TNN: variants seen among roughly 807,000 people sequenced by gnomAD.
The protein encoded by TNN is tenascin N.
In TNN, 122 loss-of-function variants were observed where a neutral mutation model predicts 134.4. The ratio of observed to expected loss-of-function variants is 0.91; its 90% CI spans 0.78 to 1.06. The LOEUF (loss-of-function observed/expected upper bound fraction) is 1.06. Ranked by LOEUF, TNN falls within the 50% of genes least tolerant of loss-of-function variation. TNN has a pLI of 0.00. For synonymous variants in TNN, 710 were observed against 670.3 expected, an observed-to-expected ratio of 1.06 and a Z score of -0.91; for missense variants, 1,739 against 1,699.4, an observed-to-expected ratio of 1.02 and a Z score of -0.41.
intron 7 of TNN, among the ~76,000 whole-genome samples, chr1:175,094,493 A>T (rs1425565727): frequency 1.3e-5 from 2 of 152,214 alleles, no homozygotes; most frequent in Non-Finnish European, 1.5e-5. Flanking sequence ...GGAATTCCGT[A>T]TGCAACCCCC....
intron 11 of TNN, among the ~76,000 whole-genome samples, chr1:175,122,338 T>G (rs1199985376): frequency 6.6e-6 from 1 of 152,134 alleles, no homozygotes; most frequent in Admixed American, 6.5e-5. Flanking sequence ...CAGTGACCTA[T>G]GATGGCACCA....
chr1:175,133,315 C>A (rs184660815), intron 15 of TNN, among the ~76,000 whole-genome samples: 4 of 152,324 alleles, frequency 2.6e-5, no homozygotes, highest in African/African-American at 9.6e-5. Context: ...TGGTGAATGG[C>A]ACCCAACTCT....
intron 18 of TNN, 140 bp from the exon 19 acceptor site, chr1:175,146,791 C>T (rs971181518): frequency 2.5e-6 from 2 of 793,248 alleles, no homozygotes; most frequent in South Asian, 3.9e-5. Flanking sequence ...CTCATCACCC[C>T]GTCTCTTTCT....
At chr1:175,112,598 C>CTTTTTTTTTTTTT in intron 9 of TNN, among the ~76,000 whole-genome samples, 320 of 21,988 alleles carry the variant, frequency 0.015, 136 homozygotes, top group Admixed American at 0.019. Context: ...GCCGGCCGAT[C>CTTTTTTTTTTTTT]TTTTTTTTTT....
chr1:175,131,662 T>C (rs1162056105), intron 15 of TNN, among the ~76,000 whole-genome samples: 1 of 152,190 alleles, frequency 6.6e-6, no homozygotes, highest in Admixed American at 6.5e-5. Flanking sequence ...TAATAACTTA[T>C]TATATCTATA....
chr1:175,077,473 C>T lies in TNN; in HGVS notation c.55C>T (p.Leu19Phe). The change falls in exon 2 of 19, where the codon CTC becomes TTC. Residue 19 changes from leucine to phenylalanine, a missense_variant. Physicochemically the swap from Leu to Phe is conservative, Grantham distance 22. Coordinates refer to ENST00000239462, the MANE Select transcript of TNN (RefSeq NM_022093.2). Reference sequence around the variant, plus strand: ...TATGGGGCTCCTGCTTGGCTCTGTGCTCCTGGTGGCTTCGGCCCCAGCCAC... The same window carrying T: ...TATGGGGCTCCTGCTTGGCTCTGTGTTCCTGGTGGCTTCGGCCCCAGCCAC... The part of the protein sequence containing the change: ...FPMGLLLGSV[L>F]LVASAPATLE... The T allele has an allele frequency of 6.2e-7, 1 of 1,613,916 alleles. No homozygotes were observed. Among genetic ancestry groups the T allele is most frequent in the Non-Finnish European group, 8.5e-7 (1 of 1,180,036 alleles).
At position 175,077,706 on chromosome 1, in the gene TNN, G is replaced by A. The variant is rs149261705; in HGVS notation, c.288G>A (p.Gln96=). 1.9e-5 allele frequency: 30 copies of A among 1,614,120 alleles called. No individual in the cohort carries two copies. The highest frequency in any genetic ancestry group is 6.7e-5 in the Admixed American group (4 of 60,008). Residue 96 remains glutamine (Q), a synonymous_variant, in exon 2 of 19, where the codon CAG becomes CAA. Transcript: ENST00000239462. ...FRHNIRLQTP[Q]KDCELAGSVQ... is the part of the protein sequence containing the mutation. ...ACAACATCCGCCTTCAGACGCCACAGAAGGACTGCGAGTTGGCAGGCAGTG... is the reference window on the plus strand; with the variant it reads ...ACAACATCCGCCTTCAGACGCCACAAAAGGACTGCGAGTTGGCAGGCAGTG...
Position 175,123,401 on chromosome 1 carries a change from A to G in TNN, c.2652A>G (p.Glu884=). 6.2e-7 allele frequency: 1 copy of G among 1,613,392 alleles called. No homozygotes were observed. The highest frequency in any genetic ancestry group is 1.1e-5 in the South Asian group (1 of 90,960). ...SKKADTKAQT[E]IDGPKNLVTD... ...CCTTTTCTAAATCTTTTTAAAAAGA[A>G]ATTGACGGCCCCAAAAACCTAGTGA... Residue 884 remains glutamate (E), a splice_region_variant and synonymous_variant, in exon 12 of 19, where the codon GAA becomes GAG. Coordinates refer to ENST00000239462, the MANE Select transcript of TNN (RefSeq NM_022093.2).
intron 9 of TNN, among the ~76,000 whole-genome samples, chr1:175,107,704 T>A (rs1184368401): frequency 1.5e-5 from 2 of 134,724 alleles, no homozygotes; most frequent in African/African-American, 5.6e-5. Context: ...CCCACCCACA[T>A]CCTGCTGATT....
At chr1:175,085,359 G>C (rs1051055314) in intron 5 of TNN, 46 bp from the exon 6 acceptor site, 1 of 1,211,274 alleles carries the variant, frequency 8.3e-7, no homozygotes, top group African/African-American at 1.5e-5. Context: ...TGGGGAGAGG[G>C]GTCTGGAGCC....
At chr1:175,084,689 T>G (rs1389146552) in intron 5 of TNN, among the ~76,000 whole-genome samples, 3 of 152,232 alleles carry the variant, frequency 2.0e-5, no homozygotes, top group African/African-American at 4.8e-5. Context: ...ACAGGACATT[T>G]TGGGGTTCTT....
intron 6 of TNN, among the ~76,000 whole-genome samples, chr1:175,091,524 G>A (rs1431562211): frequency 6.6e-6 from 1 of 151,024 alleles, no homozygotes; most frequent in East Asian, 1.9e-4. Flanking sequence ...GGACATGATG[G>A]ATCTTTCCTT....
At chr1:175,100,768 T>G (rs1674702232) in intron 9 of TNN, among the ~76,000 whole-genome samples, 1 of 152,240 alleles carries the variant, frequency 6.6e-6, no homozygotes, top group Non-Finnish European at 1.5e-5. Flanking sequence ...CATAATTTCT[T>G]GTATTTATAA....
rs545912942 is a variant in TNN at position 175,134,223 on chromosome 1, C to G, written c.3331-1622C>G. ...TAGCACACCTCAGAAATAACTCACA[C>G]TTAACCACATCCCCAAATGAGCTCA... On this transcript the variant is annotated intron_variant, in intron 15 of 18. Transcript: ENST00000239462. 2.6e-5 allele frequency among the ~76,000 whole-genome samples: 4 copies of G among 152,292 alleles called. No individual in the cohort carries two copies. In the East Asian group the frequency reaches 5.8e-4, roughly 22 times the overall value.
chr1:175,107,513 G>A (rs1163284366), intron 9 of TNN, among the ~76,000 whole-genome samples: 2 of 146,572 alleles, frequency 1.4e-5, no homozygotes, highest in Non-Finnish European at 3.0e-5. Context: ...GGGCTCAGGA[G>A]TGAAGCTGCA....
In TNN at chr1:175,147,147, C is replaced by A; in HGVS notation, c.*76C>A. The A allele has an allele frequency of 7.3e-7, 1 of 1,376,668 alleles. No homozygotes were observed. Among genetic ancestry groups the A allele is most frequent in the Non-Finnish European group, 9.6e-7 (1 of 1,041,246 alleles). The allele number at this position is 1,376,668 out of a possible 1,614,324, so 85.3% of individuals were successfully genotyped here. On this transcript the variant is annotated 3_prime_UTR_variant, in exon 19 of 19. Coordinates refer to ENST00000239462, the MANE Select transcript of TNN (RefSeq NM_022093.2). The stretch of plus-strand genomic sequence containing the variant: ...GGGGCGGGGTGGGTAGTGGTCACTG[C>A]GGTCTGGGAGTGCTCAGATAGCCCG...
chr1:175,071,924 T>C (rs533803083), intron 1 of TNN, among the ~76,000 whole-genome samples: 2 of 152,322 alleles, frequency 1.3e-5, no homozygotes, highest in African/African-American at 4.8e-5. Context: ...TTGGCAGGAC[T>C]GTGCTATGAG....
At chr1:175,085,599 A>G in intron 6 of TNN, 105 bp downstream of exon 6, 1 of 837,764 alleles carries the variant, frequency 1.2e-6, no homozygotes, top group Non-Finnish European at 2.0e-6. Flanking sequence ...TTGCAGACAG[A>G]CGGGGTGGCT....
At chr1:175,144,830 C>T (rs1676025089) in intron 18 of TNN, among the ~76,000 whole-genome samples, 1 of 152,256 alleles carries the variant, frequency 6.6e-6, no homozygotes, top group East Asian at 1.9e-4. Flanking sequence ...ATGATGTGCT[C>T]TGCACGCTGT....
Sources: allele counts gnomAD v4.1 joint callset (sites outside exome capture counted in the v4.1 genomes callset), GRCh38; gene constraint gnomAD v4.1.1; transcripts MANE v1.5; gene names NCBI Gene and HGNC (gene_info 2026-07-23, HGNC 2026-07-21).